KIAA1217: variants seen among roughly 807,000 people sequenced by gnomAD.
The protein encoded by KIAA1217 is KIAA1217.
Under a neutral mutation model 163.9 loss-of-function variants are expected in KIAA1217, and 88 were observed. That is an observed-to-expected ratio of 0.54 (90% CI 0.45 to 0.64). The LOEUF is 0.64. KIAA1217 is among the 30% of genes least tolerant of loss of function. The pLI is 0.00. For synonymous variants in KIAA1217, 903 were observed against 923.1 expected (o/e 0.98, Z 0.39); for missense variants, 2,372 against 2,475.0 (o/e 0.96, Z 0.88).
chr10:24,433,240 T>A (rs1564669889), intron 4 of KIAA1217, 47 bp downstream of exon 4: 2 of 1,427,600 alleles, frequency 1.4e-6, no homozygotes, highest in African/African-American at 1.5e-5. Flanking sequence ...CTTAGAGTTT[T>A]TTTTGTTTTT....
chr10:24,065,982 T>C (rs571933868), intron 2 of KIAA1217, among the ~76,000 whole-genome samples: 4 of 152,322 alleles, frequency 2.6e-5, no homozygotes, highest in African/African-American at 9.6e-5. Flanking sequence ...TTTTTTTGTT[T>C]TCCATTTGCT....
At chr10:24,219,551 ACC>A (rs2069299433) in intron 1 of KIAA1217, 73 bp from the exon 2 acceptor site, 16 of 1,254,316 alleles carry the variant, frequency 1.3e-5, no homozygotes, top group Non-Finnish European at 1.7e-5. Context: ...ACTGCCGCAA[ACC>A]CTCTTGGTGT....
At chr10:23,907,158 T>A (rs956730659) in intron 1 of KIAA1217, among the ~76,000 whole-genome samples, 1 of 152,118 alleles carries the variant, frequency 6.6e-6, no homozygotes, top group African/African-American at 2.4e-5. Flanking sequence ...CTGCTTTGCT[T>A]GAGTTATTCA....
At chr10:23,919,636 C>A (rs116873735) in intron 1 of KIAA1217, among the ~76,000 whole-genome samples, 2,710 of 143,470 alleles carry the variant, frequency 0.019, 58 homozygotes, top group Admixed American at 0.061. Flanking sequence ...AAAAAAGGCT[C>A]TGCAGATTCA....
intron 5 of KIAA1217, among the ~76,000 whole-genome samples, chr10:24,472,357 C>A (rs1375154398): frequency 6.6e-6 from 1 of 152,182 alleles, no homozygotes; most frequent in Non-Finnish European, 1.5e-5. Context: ...CTCATAGGCT[C>A]AAATGAAGAG....
At chr10:23,872,056 T>G (rs1840479786) in intron 1 of KIAA1217, among the ~76,000 whole-genome samples, 1 of 152,086 alleles carries the variant, frequency 6.6e-6, no homozygotes, top group Non-Finnish European at 1.5e-5. Context: ...AATCTTTATA[T>G]GATGCATTTG....
chr10:23,796,134 G>A (rs1836190879), intron 1 of KIAA1217, among the ~76,000 whole-genome samples: 1 of 151,994 alleles, frequency 6.6e-6, no homozygotes. Context: ...CTTCTTACAT[G>A]CCATGCAAAG....
chr10:23,819,026 T>C (rs1837495067), intron 1 of KIAA1217, among the ~76,000 whole-genome samples: 1 of 152,228 alleles, frequency 6.6e-6, no homozygotes, highest in Admixed American at 6.5e-5. Flanking sequence ...GAAATTATAG[T>C]GTTCCATTTT....
chr10:24,165,654 T>C (rs2065309751), intron 2 of KIAA1217, among the ~76,000 whole-genome samples: 1 of 152,218 alleles, frequency 6.6e-6, no homozygotes, highest in Admixed American at 6.5e-5. Flanking sequence ...CCCAGACTTT[T>C]TGTAACTCCA....
intron 5 of KIAA1217, among the ~76,000 whole-genome samples, chr10:24,471,747 G>A (rs2063538212): frequency 1.3e-5 from 2 of 152,060 alleles, no homozygotes; most frequent in Non-Finnish European, 2.9e-5. Context: ...GCTGGGTGTG[G>A]TGGCACATGC....
At chr10:23,970,180 C>T (rs1363704736) in intron 1 of KIAA1217, among the ~76,000 whole-genome samples, 1 of 152,136 alleles carries the variant, frequency 6.6e-6, no homozygotes, top group Non-Finnish European at 1.5e-5. Context: ...ATCATGTGTG[C>T]TTTTGTTCTT....
chr10:24,089,379 G>A lies in KIAA1217; in HGVS notation c.-171+82005G>A, dbSNP rs181967539. 2.7e-4 allele frequency among the ~76,000 whole-genome samples: 34 copies of A among 125,418 alleles called. 5 individuals carry two copies. The East Asian group carries it at 6.6e-3, about 24-fold the overall frequency. 82.3% of individuals were successfully genotyped at this position (125,418 alleles called of 152,430 possible). On this transcript the variant is annotated intron_variant, in intron 2 of 18. Coordinates refer to the KIAA1217 transcript ENST00000376462. Reference sequence around the variant, plus strand: ...TCATGAAGTCTTTGCCCATGCCTATGTCCCGAATGGTATTTCCTAGGTTTT... The same window carrying A: ...TCATGAAGTCTTTGCCCATGCCTATATCCCGAATGGTATTTCCTAGGTTTT...
chr10:24,092,732 G>A (rs762689562), intron 2 of KIAA1217, among the ~76,000 whole-genome samples: 2 of 151,778 alleles, frequency 1.3e-5, no homozygotes, highest in Non-Finnish European at 2.9e-5. Flanking sequence ...ACAAATAGTA[G>A]GTTTCCAGGA....
rs909084246 is a variant in KIAA1217 at position 23,954,027 on chromosome 10, T to A, written c.-320-53198T>A. On this transcript the variant is annotated intron_variant, in intron 1 of 18. Coordinates refer to the KIAA1217 transcript ENST00000376462. ...CCAACAATCGTTTAATTTAAATCTG[T>A]TTTATCCAAAGGTCAGATGAAAATG... Among the ~76,000 whole-genome samples the A allele has an allele frequency of 4.6e-5, 7 of 152,174 alleles. No individual in the cohort carries two copies. The East Asian group carries it at 1.2e-3, about 25-fold the overall frequency.
intron 1 of KIAA1217, among the ~76,000 whole-genome samples, chr10:23,805,701 A>G (rs942282817): frequency 6.6e-6 from 1 of 152,158 alleles, no homozygotes; most frequent in Non-Finnish European, 1.5e-5. Context: ...TTCTCAGGAC[A>G]TAGAAAGCAC....
intron 2 of KIAA1217, among the ~76,000 whole-genome samples, chr10:24,364,290 T>A (rs2134310796): frequency 6.6e-6 from 1 of 152,350 alleles, no homozygotes; most frequent in East Asian, 1.9e-4. Flanking sequence ...CCCGCTCTTA[T>A]TTTTTAAGAA....
At chr10:24,464,311 C>T (rs2062720728) in intron 5 of KIAA1217, among the ~76,000 whole-genome samples, 1 of 152,132 alleles carries the variant, frequency 6.6e-6, no homozygotes, top group Non-Finnish European at 1.5e-5. Flanking sequence ...ACAGACAGTG[C>T]CCTGGAGCAT....
intron 1 of KIAA1217, among the ~76,000 whole-genome samples, chr10:23,992,534 C>T (rs1361437924): frequency 1.3e-5 from 2 of 151,952 alleles, no homozygotes; most frequent in Non-Finnish European, 2.9e-5. Context: ...TGAAGACCCC[C>T]CAGGATAAGA....
At chr10:24,184,038 C>G (rs1050835709) in intron 2 of KIAA1217, among the ~76,000 whole-genome samples, 1 of 152,226 alleles carries the variant, frequency 6.6e-6, no homozygotes, top group African/African-American at 2.4e-5. Context: ...GACACTCACA[C>G]TTTAAACAGC....
Sources: allele counts gnomAD v4.1 joint callset (sites outside exome capture counted in the v4.1 genomes callset), GRCh38; gene constraint gnomAD v4.1.1; transcripts MANE v1.5; gene names NCBI Gene and HGNC (gene_info 2026-07-23, HGNC 2026-07-21).